The following VWA8 variants were observed in gnomAD, a reference collection of about 807,000 sequenced individuals.
VWA8 encodes von Willebrand factor A domain-containing protein 8.
In VWA8, 221 loss-of-function variants were observed where a neutral mutation model predicts 241.5. The ratio of observed to expected loss-of-function variants is 0.91; its 90% CI spans 0.82 to 1.02. VWA8 has a LOEUF of 1.02. Among genes scored for constraint, VWA8 ranks in the 50% least tolerant of loss-of-function variants. VWA8 has a pLI of 0.00. For synonymous variants in VWA8, 852 were observed against 827.1 expected (o/e 1.03, Z -0.52); for missense variants, 2,322 against 2,328.7 (o/e 1.00, Z 0.06).
intron 2 of VWA8, among the ~76,000 whole-genome samples, chr13:41,922,151 T>G (rs1876572458): frequency 6.6e-6 from 1 of 152,202 alleles, no homozygotes; most frequent in South Asian, 2.1e-4. Context: ...CCATCTGATC[T>G]TTGACAAACC....
chr13:41,873,122 C>T (rs561030472), intron 9 of VWA8, among the ~76,000 whole-genome samples: 6 of 152,156 alleles, frequency 3.9e-5, no homozygotes, highest in East Asian at 3.9e-4. Context: ...TAAAGATGTT[C>T]TTTGAAACCA....
chr13:41,919,368 G>T (rs1156552160), intron 2 of VWA8, among the ~76,000 whole-genome samples: 1 of 152,164 alleles, frequency 6.6e-6, no homozygotes, highest in Non-Finnish European at 1.5e-5. Context: ...TCTGAGCCCA[G>T]CTGAGGGAGC....
chr13:41,728,896 C>T (rs2045458694), intron 23 of VWA8, among the ~76,000 whole-genome samples: 1 of 151,980 alleles, frequency 6.6e-6, no homozygotes, highest in Non-Finnish European at 1.5e-5. Context: ...TTTTCAATGG[C>T]TAGTTATAGA....
intron 38 of VWA8, among the ~76,000 whole-genome samples, chr13:41,612,833 C>T (rs933607702): frequency 6.6e-6 from 1 of 152,146 alleles, no homozygotes; most frequent in African/African-American, 2.4e-5. Context: ...GGCTCCAACC[C>T]ACCAGCCATT....
chr13:41,648,660 TACTTTACATACAGACCTACAAAA>T (rs1346163576), intron 37 of VWA8, among the ~76,000 whole-genome samples: 1 of 152,220 alleles, frequency 6.6e-6, no homozygotes. Context: ...TTTCTTCAAA[TACTTTACATACAGACCTACAAAA>T]ACTTTTTCAT....
In VWA8 at chr13:41,721,536, G is replaced by C; in HGVS notation, c.2798C>G (p.Pro933Arg). The C allele has an allele frequency of 6.2e-7, 1 of 1,613,664 alleles. No individual in the cohort carries two copies. Among genetic ancestry groups the C allele is most frequent in the Non-Finnish European group, 8.5e-7 (1 of 1,179,784 alleles). Residue 933 changes from proline to arginine, a missense_variant, in exon 25 of 45, where the codon CCC (proline) becomes CGC (arginine). Transcript: ENST00000379310. ...TCTGAGCATCTCGAGCTCCGAGTGGGGTTTGGGGTTATCAACTGCATGGCA... is the reference window on the plus strand; with the variant it reads ...TCTGAGCATCTCGAGCTCCGAGTGGCGTTTGGGGTTATCAACTGCATGGCA... ...FSCHAVDNPKPHSELEMLRQY... is the reference protein window; with the variant it reads ...FSCHAVDNPKRHSELEMLRQY...
chr13:41,587,392 C>T lies in VWA8; in HGVS notation c.5271+120G>A, dbSNP rs986812451. 3.1e-6 allele frequency: 4 copies of T among 1,306,090 alleles called. No individual in the cohort carries two copies. The African/African-American group carries it at 5.9e-5, about 19-fold the overall frequency. 80.9% of individuals were successfully genotyped at this position (1,306,090 alleles called of 1,614,324 possible). A position where few individuals can be genotyped will look rare whatever the true frequency, so the allele number is the denominator to read the frequency against. On this transcript the variant is annotated intron_variant, in intron 42 of 44. Transcript: ENST00000379310. ...TAAAACAAAAGCTTCACTTTCTCTGCACTGATGAATGAGCTGGTGAGAGGA... is the reference window on the plus strand; with the variant it reads ...TAAAACAAAAGCTTCACTTTCTCTGTACTGATGAATGAGCTGGTGAGAGGA...
At chr13:41,730,798 A>T (rs1203220427) in intron 22 of VWA8, among the ~76,000 whole-genome samples, 4 of 152,058 alleles carry the variant, frequency 2.6e-5, no homozygotes, top group Non-Finnish European at 4.4e-5. Flanking sequence ...ATAGGATGGT[A>T]TATTTTAAGA....
At chr13:41,719,022 G>C (rs1224778663) in intron 26 of VWA8, among the ~76,000 whole-genome samples, 1 of 151,854 alleles carries the variant, frequency 6.6e-6, no homozygotes, top group Non-Finnish European at 1.5e-5. Context: ...ATATGTGCAA[G>C]ATTCTTAACT....
chr13:41,608,348 C>A (rs898923776), intron 39 of VWA8, among the ~76,000 whole-genome samples: 3 of 152,014 alleles, frequency 2.0e-5, no homozygotes, highest in Non-Finnish European at 4.4e-5. Flanking sequence ...GAAATTTTAG[C>A]CTCTGGATCA....
intron 1 of VWA8, among the ~76,000 whole-genome samples, chr13:41,955,626 CAA>C (rs769981838): frequency 3.9e-4 from 60 of 152,270 alleles, no homozygotes; most frequent in Non-Finnish European, 6.8e-4. Context: ...CAACAATGCC[CAA>C]AGTTTCAGTG....
At chr13:41,789,502 T>C (rs923454642) in intron 17 of VWA8, among the ~76,000 whole-genome samples, 6 of 152,212 alleles carry the variant, frequency 3.9e-5, no homozygotes, top group African/African-American at 1.4e-4. Context: ...CTAGTCTCAT[T>C]AGGTTTTGGT....
chr13:41,866,994 T>C (rs139088528), intron 10 of VWA8, among the ~76,000 whole-genome samples: 59 of 152,326 alleles, frequency 3.9e-4, no homozygotes, highest in African/African-American at 1.4e-3. Flanking sequence ...GATCATGTTA[T>C]ATACCACACG....
At chr13:41,713,638 G>C (rs543425379) in intron 26 of VWA8, among the ~76,000 whole-genome samples, 2 of 152,274 alleles carry the variant, frequency 1.3e-5, no homozygotes, top group South Asian at 4.1e-4. Flanking sequence ...ATTTTTAGAT[G>C]TGCAGTTTAT....
intron 2 of VWA8, chr13:41,926,985 A>T: frequency 2.1e-6 from 1 of 475,504 alleles, no homozygotes. Context: ...TCCACAGATA[A>T]TGAGCGCTAT....
chr13:41,572,468 G>C (rs1445622316), intron 43 of VWA8, among the ~76,000 whole-genome samples: 2 of 152,160 alleles, frequency 1.3e-5, no homozygotes, highest in African/African-American at 4.8e-5. Context: ...CTTCTGCCTT[G>C]GGATGCTGTT....
At position 41,887,247 on chromosome 13, in the gene VWA8, G is replaced by A. The variant is rs1321721303; in HGVS notation, c.766C>T (p.Pro256Ser). 1 of 1,613,386 alleles carries A rather than the reference G, an allele frequency of 6.2e-7. No homozygotes were observed. The highest frequency in any genetic ancestry group is 1.1e-5 in the South Asian group (1 of 90,950). The change falls in exon 6 of 45, where the codon CCT becomes TCT. Residue 256 changes from proline to serine, a missense_variant. Transcript: ENST00000379310. ...PRYSGNPLDP[P>S]LRSRFQARDI... is the part of the protein sequence containing the mutation. ...CTGGCTTGAAATCGAGAACGAAGAGGGGGGTCTAATGGATTCCCAGAATAC... is the reference window on the plus strand; with the variant it reads ...CTGGCTTGAAATCGAGAACGAAGAGAGGGGTCTAATGGATTCCCAGAATAC...
At chr13:41,652,299 A>C (rs1044942288) in intron 37 of VWA8, among the ~76,000 whole-genome samples, 1 of 152,234 alleles carries the variant, frequency 6.6e-6, no homozygotes, top group African/African-American at 2.4e-5. Flanking sequence ...GAAGAGGCAT[A>C]CAAACACGGG....
At chr13:41,886,700 G>GAATT in intron 7 of VWA8, 81 bp downstream of exon 7, 1 of 1,156,698 alleles carries the variant, frequency 8.6e-7, no homozygotes, top group Non-Finnish European at 1.3e-6. Flanking sequence ...TTGAATGACT[G>GAATT]AATTAATTAA....
Sources: allele counts gnomAD v4.1 joint callset (sites outside exome capture counted in the v4.1 genomes callset), GRCh38; gene constraint gnomAD v4.1.1; transcripts MANE v1.5; gene names NCBI Gene and HGNC (gene_info 2026-07-23, HGNC 2026-07-21).